The following TRPM3 variants were observed in gnomAD, a reference collection of about 807,000 sequenced individuals.
TRPM3 encodes long transient receptor potential channel 3.
Under a neutral mutation model 181.2 loss-of-function variants are expected in TRPM3, and 77 were observed. The ratio of observed to expected loss-of-function variants is 0.42; its 90% confidence interval spans 0.35 to 0.51. The LOEUF (loss-of-function observed/expected upper bound fraction) is 0.51. Ranked by LOEUF, TRPM3 falls within the 20% of genes least tolerant of loss-of-function variation. TRPM3 has a pLI of 0.01. For synonymous variants in TRPM3, 745 were observed against 796.4 expected, an observed-to-expected ratio of 0.94 and a Z score of 1.09; for missense variants, 1,759 against 2,196.7, an observed-to-expected ratio of 0.80 and a Z score of 3.98.
intron 1 of TRPM3, among the ~76,000 whole-genome samples, chr9:71,397,019 A>AG (rs1342483415): frequency 6.6e-6 from 1 of 152,092 alleles, no homozygotes; most frequent in Non-Finnish European, 1.5e-5. Context: ...AACATGCACC[A>AG]GCTTTTCTTC....
At chr9:70,865,049 G>GC (rs1187091317) in intron 1 of TRPM3, among the ~76,000 whole-genome samples, 1 of 142,214 alleles carries the variant, frequency 7.0e-6, no homozygotes, top group African/African-American at 2.6e-5. Context: ...GGGGGGTTGG[G>GC]GGGGGGGAGG....
intron 1 of TRPM3, among the ~76,000 whole-genome samples, chr9:71,087,209 T>C (rs2065423392): frequency 6.6e-6 from 1 of 152,030 alleles, no homozygotes; most frequent in Non-Finnish European, 1.5e-5. Context: ...TATTCCTCGA[T>C]CCCATCTATG....
intron 1 of TRPM3, among the ~76,000 whole-genome samples, chr9:71,324,261 A>G (rs1466325898): frequency 2.0e-5 from 3 of 152,174 alleles, no homozygotes; most frequent in Non-Finnish European, 4.4e-5. Flanking sequence ...AAATTAGAAA[A>G]CAACATTTAA....
At chr9:70,790,678 T>A (rs2085152962) in intron 6 of TRPM3, among the ~76,000 whole-genome samples, 1 of 152,196 alleles carries the variant, frequency 6.6e-6, no homozygotes, top group East Asian at 1.9e-4. Flanking sequence ...ATTCTTGATA[T>A]CTTTAACTAA....
chr9:71,376,150 T>C (rs2092660242), intron 1 of TRPM3, among the ~76,000 whole-genome samples: 1 of 151,994 alleles, frequency 6.6e-6, no homozygotes, highest in African/African-American at 2.4e-5. Context: ...GGGGTGATAT[T>C]GCAAATTTTG....
chr9:71,349,579 C>T (rs1006858559), intron 1 of TRPM3, among the ~76,000 whole-genome samples: 6 of 152,212 alleles, frequency 3.9e-5, no homozygotes, highest in Middle Eastern at 3.4e-3. Context: ...TAACGGTGTA[C>T]GTTTGCCAAA....
At chr9:71,319,791 AG>A (rs1189242227) in intron 1 of TRPM3, among the ~76,000 whole-genome samples, 6 of 152,100 alleles carry the variant, frequency 3.9e-5, no homozygotes, top group Non-Finnish European at 8.8e-5. Flanking sequence ...AATGATCCTC[AG>A]GGTCAGCTAG....
intron 1 of TRPM3, among the ~76,000 whole-genome samples, chr9:71,327,258 T>C (rs1209653584): frequency 6.6e-6 from 1 of 152,212 alleles, no homozygotes; most frequent in Non-Finnish European, 1.5e-5. Context: ...AAAATGTCAC[T>C]GAAAAGAGGT....
intron 1 of TRPM3, among the ~76,000 whole-genome samples, chr9:71,169,682 C>T (rs903167582): frequency 2.8e-4 from 42 of 151,788 alleles, no homozygotes; most frequent in East Asian, 1.9e-4. Flanking sequence ...GGTCCAGGCA[C>T]GGTGTCTCAC....
intron 1 of TRPM3, among the ~76,000 whole-genome samples, chr9:71,101,910 C>A (rs1449760733): frequency 1.3e-5 from 2 of 152,156 alleles, no homozygotes; most frequent in Non-Finnish European, 2.9e-5. Flanking sequence ...TGAAGTCCAA[C>A]AGCTTTGTCT....
At chr9:71,054,481 C>T (rs941929504) in intron 1 of TRPM3, among the ~76,000 whole-genome samples, 31 of 152,032 alleles carry the variant, frequency 2.0e-4, no homozygotes, top group African/African-American at 7.0e-4. Context: ...TAATGCAGCT[C>T]AGCTTTTGTT....
chr9:71,385,514 GAA>G (rs1448251225), intron 1 of TRPM3, among the ~76,000 whole-genome samples: 1 of 152,088 alleles, frequency 6.6e-6, no homozygotes, highest in Non-Finnish European at 1.5e-5. Flanking sequence ...GAAAAGATCT[GAA>G]CACACTGAGT....
chr9:70,660,880 A>G (rs1382718939), intron 9 of TRPM3, among the ~76,000 whole-genome samples: 1 of 152,122 alleles, frequency 6.6e-6, no homozygotes, highest in African/African-American at 2.4e-5. Flanking sequence ...TACCAATCCT[A>G]CTGAAACTAT....
At chr9:70,648,603 A>G (rs1199059274) in intron 9 of TRPM3, among the ~76,000 whole-genome samples, 1 of 151,624 alleles carries the variant, frequency 6.6e-6, no homozygotes, top group African/African-American at 2.4e-5. Flanking sequence ...CTACAAGGCT[A>G]TAATAACAAA....
chr9:71,385,115 G>A (rs1207821676), intron 1 of TRPM3, among the ~76,000 whole-genome samples: 1 of 152,072 alleles, frequency 6.6e-6, no homozygotes, highest in East Asian at 1.9e-4. Flanking sequence ...TAAAAGCTTT[G>A]AGTAGCACAA....
intron 9 of TRPM3, among the ~76,000 whole-genome samples, chr9:70,680,632 G>A (rs1005083018): frequency 6.6e-6 from 1 of 152,182 alleles, no homozygotes; most frequent in African/African-American, 2.4e-5. Context: ...CTCTACAGCA[G>A]GCAAACAAAC....
At chr9:71,131,762 T>G (rs1401211087) in intron 1 of TRPM3, among the ~76,000 whole-genome samples, 1 of 152,218 alleles carries the variant, frequency 6.6e-6, no homozygotes, top group Non-Finnish European at 1.5e-5. Context: ...GTTCTCAGAC[T>G]CTAAACTGCA....
chr9:71,376,184 A>G (rs985862856), intron 1 of TRPM3, among the ~76,000 whole-genome samples: 2 of 151,996 alleles, frequency 1.3e-5, no homozygotes, highest in Non-Finnish European at 2.9e-5. Flanking sequence ...AAGAAGTCAC[A>G]AAAATGATGA....
At chr9:70,947,398 T>G (rs1262638859) in intron 1 of TRPM3, among the ~76,000 whole-genome samples, 1 of 152,212 alleles carries the variant, frequency 6.6e-6, no homozygotes, top group African/African-American at 2.4e-5. Context: ...TTTTAAGAAC[T>G]GCCTCCCTTC....
Sources: gnomAD v4.1 joint callset for allele counts (sites outside exome capture counted in the v4.1 genomes callset) on GRCh38, gnomAD v4.1.1 for gene constraint, MANE v1.5 for transcripts, NCBI Gene and HGNC (gene_info 2026-07-23, HGNC 2026-07-21) for gene names.